The following MACROD2 variants were observed in gnomAD, a reference collection of about 807,000 sequenced individuals.
MACROD2 encodes the protein mono-ADP ribosylhydrolase 2, also known as ADP-ribose glycohydrolase MACROD2.
Under a neutral mutation model 70.4 loss-of-function variants are expected in MACROD2, and 36 were observed. That is an observed-to-expected ratio of 0.51 (90% CI 0.39 to 0.68). The LOEUF (loss-of-function observed/expected upper bound fraction) is 0.68. Ranked by LOEUF, MACROD2 falls within the 30% of genes least tolerant of loss-of-function variation. MACROD2 has a pLI of 0.00. For missense variants in MACROD2, 496 were observed against 538.4 expected, an observed-to-expected ratio of 0.92 and a Z score of 0.78; for synonymous variants, 172 against 178.8, an observed-to-expected ratio of 0.96 and a Z score of 0.30.
chr20:14,155,831 A>G (rs1400199531), intron 3 of MACROD2, among the ~76,000 whole-genome samples: 1 of 152,190 alleles, frequency 6.6e-6, no homozygotes, highest in African/African-American at 2.4e-5. Context: ...TGTTATCTTA[A>G]TATTTAATTA....
chr20:14,751,705 A>G (rs755931327), intron 5 of MACROD2, among the ~76,000 whole-genome samples: 1 of 152,158 alleles, frequency 6.6e-6, no homozygotes, highest in Non-Finnish European at 1.5e-5. Flanking sequence ...GCAGAAGCAC[A>G]AGAGGGCAAG....
At chr20:15,099,742 A>T (rs1389873665) in intron 5 of MACROD2, among the ~76,000 whole-genome samples, 1 of 152,190 alleles carries the variant, frequency 6.6e-6, no homozygotes, top group Non-Finnish European at 1.5e-5. Context: ...CTTGCCTTGA[A>T]TGTTAAAGCC....
At chr20:14,483,837 A>G (rs1259009194) in intron 3 of MACROD2, among the ~76,000 whole-genome samples, 3 of 152,224 alleles carry the variant, frequency 2.0e-5, no homozygotes, top group Non-Finnish European at 4.4e-5. Flanking sequence ...ATTTAAGTTC[A>G]AGACCTGTCA....
chr20:14,102,031 TCTCA>T (rs2148679389), intron 3 of MACROD2, among the ~76,000 whole-genome samples: 1 of 127,206 alleles, frequency 7.9e-6, no homozygotes, highest in Non-Finnish European at 1.6e-5. Context: ...TAAGACGGAG[TCTCA>T]CTCTGTCACT....
chr20:15,816,834 TA>T (rs1600939463), intron 8 of MACROD2, among the ~76,000 whole-genome samples: 1 of 152,202 alleles, frequency 6.6e-6, no homozygotes, highest in Non-Finnish European at 1.5e-5. Context: ...CTTTAACCTG[TA>T]AAAGACCAAG....
chr20:14,634,986 G>T (rs932906363), intron 4 of MACROD2, among the ~76,000 whole-genome samples: 1 of 152,156 alleles, frequency 6.6e-6, no homozygotes, highest in Non-Finnish European at 1.5e-5. Context: ...GAACTCTGGG[G>T]TTAGCATTTT....
chr20:14,740,369 C>T (rs1160055271), intron 5 of MACROD2, among the ~76,000 whole-genome samples: 1 of 152,066 alleles, frequency 6.6e-6, no homozygotes, highest in Non-Finnish European at 1.5e-5. Flanking sequence ...CTCTATCACC[C>T]TACTAAATAA....
chr20:14,191,863 A>G (rs993542234), intron 3 of MACROD2, among the ~76,000 whole-genome samples: 12 of 151,954 alleles, frequency 7.9e-5, no homozygotes, highest in Admixed American at 2.0e-4. Context: ...TTTTAGGTCA[A>G]TTTTAGTGAG....
intron 5 of MACROD2, among the ~76,000 whole-genome samples, chr20:15,010,760 G>C (rs184379748): frequency 1.2e-4 from 19 of 152,246 alleles, no homozygotes; most frequent in Admixed American, 7.8e-4. Context: ...TTAACTTACT[G>C]TTGTTTGTTT....
chr20:15,593,763 C>A (rs2048709446), intron 8 of MACROD2, among the ~76,000 whole-genome samples: 1 of 152,100 alleles, frequency 6.6e-6, no homozygotes, highest in Non-Finnish European at 1.5e-5. Context: ...TTTCTGAGAG[C>A]AGACTTTTAT....
intron 5 of MACROD2, among the ~76,000 whole-genome samples, chr20:14,816,678 T>C (rs1361918269): frequency 6.6e-6 from 1 of 151,988 alleles, no homozygotes; most frequent in East Asian, 1.9e-4. Flanking sequence ...GACACTAATG[T>C]TAAGAATGGA....
chr20:15,179,841 G>T (rs535541484), intron 5 of MACROD2, among the ~76,000 whole-genome samples: 26 of 152,286 alleles, frequency 1.7e-4, no homozygotes, highest in African/African-American at 5.8e-4. Flanking sequence ...TTCCCAAATT[G>T]CATCTCTGCG....
chr20:15,211,483 C>T (rs1424575129), intron 5 of MACROD2, among the ~76,000 whole-genome samples: 1 of 152,056 alleles, frequency 6.6e-6, no homozygotes, highest in African/African-American at 2.4e-5. Flanking sequence ...GTGTTTTGGT[C>T]ATGCAGGTGG....
intron 5 of MACROD2, among the ~76,000 whole-genome samples, chr20:14,972,658 T>C (rs1226497377): frequency 6.6e-6 from 1 of 152,184 alleles, no homozygotes; most frequent in Non-Finnish European, 1.5e-5. Context: ...ATTAAGAATA[T>C]TTTGTTGAAA....
At chr20:14,720,569 T>TTTTTTTTTTTTTTTTTTTTTTTGTG (rs531072431) in intron 5 of MACROD2, among the ~76,000 whole-genome samples, 1 of 84,164 alleles carries the variant, frequency 1.2e-5, no homozygotes, top group Non-Finnish European at 2.4e-5. Flanking sequence ...TTTTTTTTTT[T>TTTTTTTTTTTTTTTTTTTTTTTGTG]TGTGAGGCAG....
At chr20:15,077,936 A>AG (rs895251916) in intron 5 of MACROD2, among the ~76,000 whole-genome samples, 5 of 151,442 alleles carry the variant, frequency 3.3e-5, no homozygotes, top group African/African-American at 4.9e-5. Context: ...GGGCTGGGGG[A>AG]GGGGGAGGCA....
intron 4 of MACROD2, among the ~76,000 whole-genome samples, chr20:14,546,414 G>A (rs2085492102): frequency 6.6e-6 from 1 of 152,124 alleles, no homozygotes; most frequent in African/African-American, 2.4e-5. Context: ...TAGAAGATGG[G>A]TGATATTTTG....
At chr20:16,035,166 ATATAAAATAT>A (rs1555811390) in intron 15 of MACROD2, among the ~76,000 whole-genome samples, 106 of 11,260 alleles carry the variant, frequency 9.4e-3, no homozygotes, top group South Asian at 0.03. Context: ...ATAATATAAA[ATATAAAATAT>A]TATATATTAT....
At chr20:14,454,866 C>CCTCA in intron 3 of MACROD2, among the ~76,000 whole-genome samples, 1 of 151,824 alleles carries the variant, frequency 6.6e-6, no homozygotes, top group Non-Finnish European at 1.5e-5. Context: ...CATTCTCCTG[C>CCTCA]CTCAGCCTCC....
Sources: allele counts gnomAD v4.1 joint callset (sites outside exome capture counted in the v4.1 genomes callset), GRCh38; gene constraint gnomAD v4.1.1; transcripts MANE v1.5; gene names NCBI Gene and HGNC (gene_info 2026-07-23, HGNC 2026-07-21).